Variants in MAPK10 observed in about 807,000 individuals in gnomAD.
MAPK10 encodes the protein mitogen-activated protein kinase 10.
Under a neutral mutation model 59.3 loss-of-function variants are expected in MAPK10, and 25 were observed. The ratio of observed to expected loss-of-function variants is 0.42; its 90% CI spans 0.31 to 0.59. The LOEUF is 0.59. Ranked by LOEUF, MAPK10 falls within the 20% of genes least tolerant of loss-of-function variation. The probability of loss-of-function intolerance (pLI) is 0.15; values close to 1 mark genes in which losing one functional copy is unlikely to be tolerated. For synonymous variants in MAPK10, 190 were observed against 200.5 expected, an observed-to-expected ratio of 0.95 and a Z score of 0.44; for missense variants, 351 against 568.9, an observed-to-expected ratio of 0.62 and a Z score of 3.90.
In MAPK10 at chr4:86,170,846, T is replaced by C. The variant is rs546288513; in HGVS notation, c.67-11379A>G. On this transcript the variant is annotated intron_variant, in intron 3 of 13. Transcript: ENST00000641462. The stretch of plus-strand genomic sequence containing the variant: ...GAAGTAAAGCTCTCCTCAGCAAATG[T>C]AAAAGAACAGAAATTATAACACACT... Among the ~76,000 whole-genome samples the C allele has an allele frequency of 5.9e-4, 89 of 150,276 alleles. 2 individuals carry two copies. The South Asian group carries it at 0.019, about 32-fold the overall frequency.
At chr4:86,365,870 AG>A (rs10708095) in intron 1 of MAPK10, among the ~76,000 whole-genome samples, 26,810 of 152,144 alleles carry the variant, frequency 0.18, 2,453 homozygotes, top group East Asian at 0.26. Flanking sequence ...TTTTGAAGGA[AG>A]AGTCTTAAAT....
chr4:86,333,256 C>A (rs1380911743), intron 2 of MAPK10, among the ~76,000 whole-genome samples: 1 of 152,186 alleles, frequency 6.6e-6, no homozygotes, highest in African/African-American at 2.4e-5. Context: ...GATAATATAA[C>A]AGGAGAGTTC....
At position 86,197,626 on chromosome 4, in the gene MAPK10, C is replaced by T. The variant is rs1335700048; in HGVS notation, c.-6-3219G>A. On this transcript the variant is annotated intron_variant, in intron 2 of 13. Transcript: ENST00000641462. ...ACAGTGGGAAGTCATACTGGAGACACTGCATAAAGCTTACTATAGGAAGTT... is the reference window on the plus strand; with the variant it reads ...ACAGTGGGAAGTCATACTGGAGACATTGCATAAAGCTTACTATAGGAAGTT... 4.6e-5 allele frequency among the ~76,000 whole-genome samples: 7 copies of T among 152,174 alleles called. No homozygotes were observed. The South Asian group carries it at 6.2e-4, about 14-fold the overall frequency.
intron 2 of MAPK10, among the ~76,000 whole-genome samples, chr4:86,271,156 T>C (rs901985195): frequency 2.0e-5 from 3 of 152,078 alleles, no homozygotes; most frequent in African/African-American, 7.2e-5. Flanking sequence ...AGAGCTCCAG[T>C]TGCTCCATGT....
At position 86,343,873 on chromosome 4, in the gene MAPK10, A is replaced by G. The variant is rs557912702; in HGVS notation, c.-7+10657T>C. On this transcript the variant is annotated intron_variant, in intron 2 of 13. Coordinates refer to ENST00000641462, the MANE Select transcript of MAPK10 (RefSeq NM_138982.4). ...CACTAAATTATTTTTATTTCTTAAA[A>G]GTAGTTTTCATAAAAAGATAACTAT... 4.9e-5 allele frequency among the ~76,000 whole-genome samples: 6 copies of G among 123,312 alleles called. No individual in the cohort carries two copies. The South Asian group carries it at 1.8e-3, about 38-fold the overall frequency. The allele number at this position is 123,312 out of a possible 152,430, so 80.9% of individuals were successfully genotyped here. A position where few individuals can be genotyped will look rare whatever the true frequency, so the allele number is the denominator to read the frequency against.
chr4:86,184,036 A>G (rs570431195), intron 3 of MAPK10, among the ~76,000 whole-genome samples: 24 of 152,258 alleles, frequency 1.6e-4, no homozygotes, highest in African/African-American at 5.5e-4. Flanking sequence ...GATTCTGGAT[A>G]TTAGCCCTTT....
intron 13 of MAPK10, among the ~76,000 whole-genome samples, chr4:86,026,122 G>T (rs904655093): frequency 6.6e-6 from 1 of 152,114 alleles, no homozygotes; most frequent in Non-Finnish European, 1.5e-5. Flanking sequence ...CTTTATCTTT[G>T]ATTTAGAGAT....
At chr4:86,044,676 T>G in intron 11 of MAPK10, 1 of 397,318 alleles carries the variant, frequency 2.5e-6, no homozygotes, top group East Asian at 3.6e-5. Flanking sequence ...ACACAAGATT[T>G]GTGTCTCATA....
At chr4:86,059,809 C>T (rs2045375508) in intron 11 of MAPK10, among the ~76,000 whole-genome samples, 1 of 152,136 alleles carries the variant, frequency 6.6e-6, no homozygotes, top group Admixed American at 6.6e-5. Flanking sequence ...TACATTATAG[C>T]TGGAGTACAA....
chr4:86,153,197 C>T (rs115228629), intron 4 of MAPK10, among the ~76,000 whole-genome samples: 1,529 of 152,160 alleles, frequency 0.01, 23 homozygotes, highest in African/African-American at 0.035. Context: ...GAAGTTGAAA[C>T]TGAAAAATAA....
intron 1 of MAPK10, among the ~76,000 whole-genome samples, chr4:86,408,752 G>GT (rs1411021272): frequency 6.6e-6 from 1 of 152,026 alleles, no homozygotes; most frequent in Non-Finnish European, 1.5e-5. Context: ...GGGGTTGTTT[G>GT]TTTTTTTCTT....
At chr4:86,433,667 C>T (rs139808115) in intron 1 of MAPK10, among the ~76,000 whole-genome samples, 5 of 150,426 alleles carry the variant, frequency 3.3e-5, no homozygotes, top group African/African-American at 1.2e-4. Flanking sequence ...GCCTCCCAAG[C>T]TGCTGGGAAT....
At chr4:86,562,534 A>T (rs144031164) in intron 1 of MAPK10, among the ~76,000 whole-genome samples, 2,074 of 152,052 alleles carry the variant, frequency 0.014, 31 homozygotes, top group Middle Eastern at 0.092. Context: ...GTAAATAAAT[A>T]AATTAATTAA....
intron 1 of MAPK10, among the ~76,000 whole-genome samples, chr4:86,566,684 C>T (rs1354255600): frequency 6.6e-6 from 1 of 151,922 alleles, no homozygotes; most frequent in Non-Finnish European, 1.5e-5. Context: ...CACTGCACTC[C>T]AACCTGAGTG....
At chr4:86,030,401 G>A (rs527777110) in intron 12 of MAPK10, among the ~76,000 whole-genome samples, 15 of 152,092 alleles carry the variant, frequency 9.9e-5, no homozygotes, top group African/African-American at 3.6e-4. Flanking sequence ...CACAATCATG[G>A]CTCACCGCAG....
At chr4:86,359,288 C>CTCTCTCTCTCTGTG (rs796310826) in intron 1 of MAPK10, among the ~76,000 whole-genome samples, 75 of 94,612 alleles carry the variant, frequency 7.9e-4, no homozygotes, top group African/African-American at 1.0e-3. Flanking sequence ...CTCTCTCTCT[C>CTCTCTCTCTCTGTG]TGTGTGTGTG....
At chr4:86,359,288 C>CTCTCTCTCTCTCTCTCTCTCTGTGTG (rs796310826) in intron 1 of MAPK10, among the ~76,000 whole-genome samples, 2 of 94,608 alleles carry the variant, frequency 2.1e-5, no homozygotes, top group African/African-American at 5.3e-5. Context: ...CTCTCTCTCT[C>CTCTCTCTCTCTCTCTCTCTCTGTGTG]TGTGTGTGTG....
intron 1 of MAPK10, among the ~76,000 whole-genome samples, chr4:86,544,878 T>C (rs1212913910): frequency 1.3e-5 from 2 of 151,852 alleles, no homozygotes; most frequent in Non-Finnish European, 2.9e-5. Context: ...GAAAGGTTTT[T>C]TTCTTTTTTT....
chr4:86,187,896 C>T (rs2078673291), intron 3 of MAPK10, among the ~76,000 whole-genome samples: 1 of 152,070 alleles, frequency 6.6e-6, no homozygotes, highest in Non-Finnish European at 1.5e-5. Context: ...TTAGGTGTTT[C>T]TCCTAATTCT....
Sources: allele counts gnomAD v4.1 joint callset (sites outside exome capture counted in the v4.1 genomes callset), GRCh38; gene constraint gnomAD v4.1.1; transcripts MANE v1.5; gene names NCBI Gene and HGNC (gene_info 2026-07-23, HGNC 2026-07-21).